The following FAM184B variants were observed in gnomAD, a reference collection of about 807,000 sequenced individuals.
FAM184B encodes the protein family with sequence similarity 184 member B.
FAM184B carries 111 observed loss-of-function variants against 135.9 expected under a neutral mutation model. That is an observed-to-expected ratio of 0.82 (90% CI 0.70 to 0.96). The LOEUF (loss-of-function observed/expected upper bound fraction) is 0.96. Ranked by LOEUF, FAM184B falls within the 40% of genes least tolerant of loss-of-function variation. FAM184B has a pLI of 0.00. For missense variants in FAM184B, 1,375 were observed against 1,323.9 expected (o/e 1.04, Z -0.60); for synonymous variants, 552 against 524.8 (o/e 1.05, Z -0.71).
intron 13 of FAM184B, among the ~76,000 whole-genome samples, chr4:17,641,211 G>A (rs1478199011): frequency 6.6e-6 from 1 of 152,064 alleles, no homozygotes; most frequent in African/African-American, 2.4e-5. Flanking sequence ...TGGTATTACA[G>A]GCGTGAGCTA....
intron 1 of FAM184B, among the ~76,000 whole-genome samples, chr4:17,776,689 G>T (rs1472272706): frequency 6.6e-6 from 1 of 152,180 alleles, no homozygotes; most frequent in Non-Finnish European, 1.5e-5. Flanking sequence ...ACTGTGCCCG[G>T]CCAGTTAACA....
chr4:17,674,639 C>T (rs1315315198), intron 7 of FAM184B, among the ~76,000 whole-genome samples: 2 of 152,166 alleles, frequency 1.3e-5, no homozygotes, highest in South Asian at 2.1e-4. Flanking sequence ...CCATTTTGCT[C>T]ACAGTAGAAC....
intron 1 of FAM184B, among the ~76,000 whole-genome samples, chr4:17,748,283 A>G (rs778344855): frequency 1.3e-5 from 2 of 151,806 alleles, no homozygotes; most frequent in Non-Finnish European, 2.9e-5. Flanking sequence ...CAGTCCCAGG[A>G]GTGAGCATCT....
chr4:17,632,330 C>A lies in FAM184B; in HGVS notation c.*202G>T. 5.1e-6 allele frequency: 2 copies of A among 394,852 alleles called. No homozygotes were observed. Among genetic ancestry groups the A allele is most frequent in the South Asian group, 3.4e-5 (1 of 29,238 alleles). 24.5% of individuals were successfully genotyped at this position (394,852 alleles called of 1,614,324 possible). On this transcript the variant is annotated 3_prime_UTR_variant, in exon 18 of 18. Transcript: ENST00000265018. Reference sequence around the variant, plus strand: ...ACTCAAGCAGTCCATCTGCCTCAGCCTCCCAAAGTGATGGGATTACAGGCG... The same window carrying A: ...ACTCAAGCAGTCCATCTGCCTCAGCATCCCAAAGTGATGGGATTACAGGCG...
At chr4:17,778,361 G>C (rs766094217) in intron 1 of FAM184B, among the ~76,000 whole-genome samples, 3 of 152,060 alleles carry the variant, frequency 2.0e-5, no homozygotes, top group Non-Finnish European at 4.4e-5. Flanking sequence ...ACAACAGTGA[G>C]GGCAAAATTA....
intron 15 of FAM184B, 100 bp from the exon 16 acceptor site, chr4:17,635,213 T>C: frequency 1.1e-6 from 1 of 888,826 alleles, no homozygotes; most frequent in South Asian, 1.6e-5. Flanking sequence ...AGAAGGAAAG[T>C]CCAGGGGAGG....
chr4:17,749,102 G>A (rs1229325006), intron 1 of FAM184B, among the ~76,000 whole-genome samples: 2 of 151,432 alleles, frequency 1.3e-5, no homozygotes, highest in East Asian at 3.9e-4. Flanking sequence ...CTGAGTAGCT[G>A]GGATTACAGG....
chr4:17,713,003 G>A (rs192472183), intron 1 of FAM184B, among the ~76,000 whole-genome samples: 9 of 152,242 alleles, frequency 5.9e-5, no homozygotes, highest in Admixed American at 3.3e-4. Context: ...AAGAGTGAAC[G>A]TATAACCACG....
chr4:17,774,848 T>A (rs991122699), intron 1 of FAM184B, among the ~76,000 whole-genome samples: 6 of 152,164 alleles, frequency 3.9e-5, no homozygotes, highest in Admixed American at 1.3e-4. Flanking sequence ...TTTACCCCAT[T>A]TTGTCTCATG....
intron 12 of FAM184B, among the ~76,000 whole-genome samples, chr4:17,646,987 G>T (rs557540611): frequency 1.7e-3 from 252 of 152,260 alleles, no homozygotes; most frequent in Admixed American, 2.2e-3. Flanking sequence ...AGCCTGTCTG[G>T]TAAAATGTTC....
At position 17,688,580 on chromosome 4, in the gene FAM184B, C is replaced by A. The variant is rs527977790; in HGVS notation, c.1489-49G>T. On this transcript the variant is annotated intron_variant, in intron 6 of 17. Coordinates refer to ENST00000265018, the MANE Select transcript of FAM184B (RefSeq NM_015688.2). ...CACACAATGAAACCAGGTTCTACCT[C>A]CTCGATACAGTCATTCATCCGGGAA... is the stretch of plus-strand genomic sequence containing the variant. 8.0e-5 allele frequency: 109 copies of A among 1,365,056 alleles called. 1 individual carries two copies. In the South Asian group the frequency reaches 1.4e-3, roughly 17 times the overall value. The allele number at this position is 1,365,056 out of a possible 1,614,324, so 84.6% of individuals were successfully genotyped here.
Position 17,652,679 on chromosome 4 carries a change from C to T in FAM184B, c.2191+151G>A, listed in dbSNP as rs1355135973. ...AGCCCTGGCCTGTGAATCTGAGAGC[C>T]CTGGAGCCCTGGCCTGTGAGCCTGA... On this transcript the variant is annotated intron_variant, in intron 11 of 17. Coordinates refer to ENST00000265018, the MANE Select transcript of FAM184B (RefSeq NM_015688.2). 8.7e-6 allele frequency: 8 copies of T among 917,926 alleles called. No individual in the cohort carries two copies. In the Admixed American group the frequency reaches 1.1e-4, roughly 13 times the overall value. The allele number at this position is 917,926 out of a possible 1,614,324, so 56.9% of individuals were successfully genotyped here. A position where few individuals can be genotyped will look rare whatever the true frequency, so the allele number is the denominator to read the frequency against.
intron 1 of FAM184B, among the ~76,000 whole-genome samples, chr4:17,774,263 G>A (rs971816073): frequency 2.6e-5 from 4 of 152,184 alleles, no homozygotes; most frequent in Non-Finnish European, 4.4e-5. Context: ...AGCTACTGGG[G>A]AGGCTGAGGT....
chr4:17,656,328 T>A (rs1026786227), intron 10 of FAM184B, among the ~76,000 whole-genome samples: 1 of 152,234 alleles, frequency 6.6e-6, no homozygotes, highest in African/African-American at 2.4e-5. Context: ...ATTGAAGAAA[T>A]AAGGAAACTG....
At chr4:17,649,852 CCATCCATCCACCCACT>C (rs915242902) in intron 11 of FAM184B, among the ~76,000 whole-genome samples, 5 of 144,842 alleles carry the variant, frequency 3.5e-5, no homozygotes, top group Non-Finnish European at 7.6e-5. Flanking sequence ...ACCTGTCCAT[CCATCCATCCACCCACT>C]CATCCATCCA....
intron 1 of FAM184B, among the ~76,000 whole-genome samples, chr4:17,765,301 T>C (rs1198605574): frequency 6.6e-6 from 1 of 152,166 alleles, no homozygotes; most frequent in Non-Finnish European, 1.5e-5. Flanking sequence ...TATTCTTTCA[T>C]GGGCATTACC....
intron 1 of FAM184B, among the ~76,000 whole-genome samples, chr4:17,778,948 A>G (rs749662722): frequency 2.6e-5 from 4 of 152,234 alleles, no homozygotes; most frequent in Non-Finnish European, 5.9e-5. Context: ...TAAAATATAC[A>G]AAGTTCTTTC....
At chr4:17,742,930 C>G (rs967779269) in intron 1 of FAM184B, among the ~76,000 whole-genome samples, 1 of 152,224 alleles carries the variant, frequency 6.6e-6, no homozygotes, top group Non-Finnish European at 1.5e-5. Context: ...CATCCCTGGA[C>G]AGCAGAGCTG....
chr4:17,661,760 G>C (rs916315833), intron 8 of FAM184B, among the ~76,000 whole-genome samples: 1 of 152,190 alleles, frequency 6.6e-6, no homozygotes, highest in African/African-American at 2.4e-5. Context: ...AACTGGAGGA[G>C]CAGCCTCGGT....
Sources: allele counts gnomAD v4.1 joint callset (sites outside exome capture counted in the v4.1 genomes callset), GRCh38; gene constraint gnomAD v4.1.1; transcripts MANE v1.5; gene names NCBI Gene and HGNC (gene_info 2026-07-23, HGNC 2026-07-21).